OPCML: variants seen among roughly 807,000 people sequenced by gnomAD.
OPCML encodes opioid-binding protein/cell adhesion molecule.
OPCML carries 13 observed loss-of-function variants against 37.8 expected under a neutral mutation model. That is an observed-to-expected ratio of 0.34 (90% confidence interval 0.22 to 0.55). The LOEUF is 0.55. OPCML is among the 20% of genes least tolerant of loss of function. The pLI is 0.91. For synonymous variants in OPCML, 176 were observed against 168.8 expected (o/e 1.04, Z -0.33); for missense variants, 341 against 435.6 (o/e 0.78, Z 1.93).
chr11:133,433,116 A>T (rs991862413), intron 1 of OPCML, among the ~76,000 whole-genome samples: 76 of 152,020 alleles, frequency 5.0e-4, no homozygotes, highest in African/African-American at 1.8e-3. Flanking sequence ...ATTACGTTTC[A>T]TATTTCTACG....
chr11:133,457,483 G>C (rs1349770438), intron 1 of OPCML, among the ~76,000 whole-genome samples: 4 of 152,134 alleles, frequency 2.6e-5, no homozygotes, highest in African/African-American at 9.7e-5. Context: ...AGGCTGCAGT[G>C]AGCAGTCATC....
intron 2 of OPCML, among the ~76,000 whole-genome samples, chr11:132,717,872 TGGAG>T (rs1944547367): frequency 6.6e-6 from 1 of 152,178 alleles, no homozygotes; most frequent in Non-Finnish European, 1.5e-5. Flanking sequence ...GTGCTGTGTA[TGGAG>T]GCAAGGACAG....
chr11:133,531,842 C>A (rs1476903242), intron 1 of OPCML, among the ~76,000 whole-genome samples: 1 of 152,040 alleles, frequency 6.6e-6, no homozygotes, highest in Non-Finnish European at 1.5e-5. Flanking sequence ...GAGACCACCA[C>A]GACTGAGAGA....
rs117044244 is a variant in OPCML at position 132,506,002 on chromosome 11, G to A, written c.505+23059C>T. On this transcript the variant is annotated intron_variant, in intron 4 of 7. Transcript: ENST00000524381. ...AAGAATTTTCAACCTCACAGATAAAGGCATATCTTCTTATCTTCACACAGA... is the reference window on the plus strand; with the variant it reads ...AAGAATTTTCAACCTCACAGATAAAAGCATATCTTCTTATCTTCACACAGA... Among the ~76,000 whole-genome samples the A allele has an allele frequency of 7.0e-4, 106 of 152,154 alleles. No homozygotes were observed. In the East Asian group the frequency reaches 0.019, roughly 28 times the overall value.
chr11:132,463,996 C>G (rs1328450016), intron 4 of OPCML, among the ~76,000 whole-genome samples: 1 of 152,198 alleles, frequency 6.6e-6, no homozygotes, highest in East Asian at 1.9e-4. Flanking sequence ...ATTATCAACT[C>G]CCTGGAGTTT....
chr11:133,158,962 T>G (rs1421703175), intron 1 of OPCML, among the ~76,000 whole-genome samples: 1 of 152,048 alleles, frequency 6.6e-6, no homozygotes, highest in Non-Finnish European at 1.5e-5. Context: ...CACCGATGAA[T>G]TGCACACTCA....
chr11:133,445,434 T>G (rs1946454873), intron 1 of OPCML, among the ~76,000 whole-genome samples: 1 of 152,214 alleles, frequency 6.6e-6, no homozygotes, highest in Non-Finnish European at 1.5e-5. Context: ...TTTTCTCTTC[T>G]GTGAGTAGAA....
chr11:133,292,413 C>G lies in OPCML; in HGVS notation c.61+239851G>C, dbSNP rs557369654. 2.4e-4 allele frequency among the ~76,000 whole-genome samples: 36 copies of G among 152,270 alleles called. No homozygotes were observed. In the South Asian group the frequency reaches 6.8e-3, roughly 29 times the overall value. On this transcript the variant is annotated intron_variant, in intron 1 of 7. Transcript: ENST00000524381. ...CTCTAGGAATCCCTTTCTTTTTACTCCACGTGTACACAGTAGCTATGCGGC... is the reference window on the plus strand; with the variant it reads ...CTCTAGGAATCCCTTTCTTTTTACTGCACGTGTACACAGTAGCTATGCGGC...
At chr11:133,033,023 C>A (rs1947703149) in intron 1 of OPCML, among the ~76,000 whole-genome samples, 1 of 152,006 alleles carries the variant, frequency 6.6e-6, no homozygotes, top group Non-Finnish European at 1.5e-5. Flanking sequence ...AAATGGTTGT[C>A]CATATTTAGC....
chr11:133,387,691 A>C (rs1274017505), intron 1 of OPCML, among the ~76,000 whole-genome samples: 1 of 152,270 alleles, frequency 6.6e-6, no homozygotes, highest in Non-Finnish European at 1.5e-5. Context: ...ATAAAAATGC[A>C]GGATGAATAA....
At position 133,532,484 on chromosome 11, in the gene OPCML, C is replaced by G. The variant is rs1948626200; in HGVS notation, c.-160G>C. 2.6e-6 allele frequency: 2 copies of G among 769,088 alleles called. No individual in the cohort carries two copies. The highest frequency in any genetic ancestry group is 2.2e-5 in the Admixed American group (1 of 46,032). The allele number at this position is 769,088 out of a possible 1,614,324, so 47.6% of individuals were successfully genotyped here. A position where few individuals can be genotyped will look rare whatever the true frequency, so the allele number is the denominator to read the frequency against. ...AGAGAGAGCGCGCGAGAGATGGGAG[C>G]AGGCAGGCAGCGTCTCTGATTTCTT... On this transcript the variant is annotated 5_prime_UTR_variant, in exon 1 of 8. Transcript: ENST00000524381.
intron 1 of OPCML, chr11:133,302,016 G>A (rs1404110392): frequency 2.6e-5 from 4 of 152,132 alleles, no homozygotes; most frequent in Admixed American, 2.6e-4. Flanking sequence ...AGACATAGAA[G>A]ATGTTAATCA....
At chr11:132,648,133 A>G (rs1050905396) in intron 3 of OPCML, among the ~76,000 whole-genome samples, 2 of 152,236 alleles carry the variant, frequency 1.3e-5, no homozygotes, top group Non-Finnish European at 1.5e-5. Flanking sequence ...TGGATGCTAA[A>G]CAGTGACTGA....
At chr11:133,300,052 G>T (rs76480591) in intron 1 of OPCML, 2,856 of 152,282 alleles carry the variant, frequency 0.019, 42 homozygotes, top group Non-Finnish European at 0.025. Context: ...ACAGTCAAAT[G>T]CAGAAGAGCT....
intron 2 of OPCML, among the ~76,000 whole-genome samples, chr11:132,839,288 T>C (rs558277438): frequency 5.3e-5 from 8 of 152,180 alleles, no homozygotes; most frequent in Non-Finnish European, 1.0e-4. Flanking sequence ...ACGGGCTGCA[T>C]GACATTTTAT....
At chr11:133,276,046 A>G (rs1941984421) in intron 1 of OPCML, among the ~76,000 whole-genome samples, 1 of 152,224 alleles carries the variant, frequency 6.6e-6, no homozygotes, top group Non-Finnish European at 1.5e-5. Context: ...ACCCAAAAAT[A>G]AATTAATCCC....
intron 7 of OPCML, among the ~76,000 whole-genome samples, chr11:132,434,724 T>A (rs562297174): frequency 2.5e-4 from 38 of 152,272 alleles, no homozygotes; most frequent in African/African-American, 8.9e-4. Flanking sequence ...AAAATAAAGT[T>A]TTTAGAACTA....
chr11:132,901,041 A>G (rs1218337771), intron 2 of OPCML, among the ~76,000 whole-genome samples: 1 of 152,024 alleles, frequency 6.6e-6, no homozygotes, highest in Non-Finnish European at 1.5e-5. Context: ...TTAGCTGGGC[A>G]AGGTGGTGCA....
At chr11:133,457,905 G>C (rs918021962) in intron 1 of OPCML, among the ~76,000 whole-genome samples, 1 of 152,042 alleles carries the variant, frequency 6.6e-6, no homozygotes, top group African/African-American at 2.4e-5. Flanking sequence ...CCAACACTTT[G>C]GGAGGCCTAG....
Sources: gnomAD v4.1 joint callset for allele counts (sites outside exome capture counted in the v4.1 genomes callset) on GRCh38, gnomAD v4.1.1 for gene constraint, MANE v1.5 for transcripts, NCBI Gene and HGNC (gene_info 2026-07-23, HGNC 2026-07-21) for gene names.